KIF13B: variants seen among roughly 807,000 people sequenced by gnomAD.
KIF13B encodes the protein kinesin-like protein KIF13B.
Under a neutral mutation model 222.0 loss-of-function variants are expected in KIF13B, and 127 were observed. The ratio of observed to expected loss-of-function variants is 0.57; its 90% CI spans 0.50 to 0.66. The LOEUF (loss-of-function observed/expected upper bound fraction) is 0.66, where lower values mean the gene tolerates loss of function less well. Ranked by LOEUF, KIF13B falls within the 30% of genes least tolerant of loss-of-function variation. The probability of loss-of-function intolerance (pLI) is 0.00; values close to 1 mark genes in which losing one functional copy is unlikely to be tolerated. For synonymous variants in KIF13B, 976 were observed against 919.0 expected (o/e 1.06, Z -1.12); for missense variants, 2,173 against 2,379.0 (o/e 0.91, Z 1.80).
chr8:29,225,954 G>A (rs10101008), intron 2 of KIF13B, among the ~76,000 whole-genome samples: 1,852 of 152,304 alleles, frequency 0.012, 34 homozygotes, highest in African/African-American at 0.042. Flanking sequence ...GAGAGGGAAC[G>A]TTTAAGGTCA....
At chr8:29,165,135 A>C (rs1811938855) in intron 12 of KIF13B, among the ~76,000 whole-genome samples, 1 of 152,224 alleles carries the variant, frequency 6.6e-6, no homozygotes, top group Non-Finnish European at 1.5e-5. Context: ...TGTGTGAGCC[A>C]TCACACCCAG....
intron 35 of KIF13B, among the ~76,000 whole-genome samples, chr8:29,102,550 T>G (rs976177336): frequency 6.6e-6 from 1 of 152,194 alleles, no homozygotes; most frequent in Non-Finnish European, 1.5e-5. Context: ...AGGGCCTGAC[T>G]TGGTCCCCAG....
At chr8:29,095,043 G>A (rs1203285743) in intron 36 of KIF13B, among the ~76,000 whole-genome samples, 1 of 151,538 alleles carries the variant, frequency 6.6e-6, no homozygotes, top group Non-Finnish European at 1.5e-5. Context: ...TGAGTAATTA[G>A]ATTCTCAGAA....
rs1812525935 is a variant in KIF13B, at chr8:29,177,399, C to A, written c.833+67G>T. On this transcript the variant is annotated intron_variant, in intron 9 of 39. Transcript: ENST00000524189. ...TCAAATCACCTTAATATTTTAATAA[C>A]CACAGATGTTCCCCTATTGGCTATT... The A allele has an allele frequency of 5.5e-6, 6 of 1,086,226 alleles. No homozygotes were observed. In the South Asian group the frequency reaches 7.5e-5, roughly 14 times the overall value. 67.3% of individuals were successfully genotyped at this position (1,086,226 alleles called of 1,614,324 possible).
chr8:29,254,158 G>A (rs1005077108), intron 1 of KIF13B, among the ~76,000 whole-genome samples: 4 of 152,266 alleles, frequency 2.6e-5, no homozygotes, highest in Admixed American at 2.6e-4. Flanking sequence ...AATGAAGTTG[G>A]ATCCCTACCT....
At chr8:29,218,465 T>C (rs781000550) in intron 2 of KIF13B, among the ~76,000 whole-genome samples, 9 of 152,138 alleles carry the variant, frequency 5.9e-5, no homozygotes, top group Non-Finnish European at 1.3e-4. Context: ...AACCATGAGC[T>C]AAAAATTAAA....
intron 1 of KIF13B, 32 bp from the exon 2 acceptor site, chr8:29,245,471 T>G: frequency 1.4e-6 from 2 of 1,465,926 alleles, no homozygotes; most frequent in Non-Finnish European, 1.8e-6. Flanking sequence ...AAACAGTCAT[T>G]TTAAAAAGTA....
chr8:29,109,594 C>T, intron 33 of KIF13B, 83 bp from the exon 34 acceptor site: 3 of 1,064,548 alleles, frequency 2.8e-6, no homozygotes, highest in Non-Finnish European at 4.4e-6. Flanking sequence ...AGACTTGCAA[C>T]CCCCATCTAT....
Position 29,071,557 on chromosome 8 carries a change from G to A in KIF13B, c.5218+63C>T. 1.4e-6 allele frequency: 2 copies of A among 1,430,250 alleles called. No individual in the cohort carries two copies. The highest frequency in any genetic ancestry group is 1.9e-6 in the Non-Finnish European group (2 of 1,049,474). 88.6% of individuals were successfully genotyped at this position (1,430,250 alleles called of 1,614,324 possible). ...CCGGACCCTGTCCCCTCCCAGGCCG[G>A]CCACGTTCCTGCTTCCCCAGACCCC... is the stretch of plus-strand genomic sequence containing the variant. On this transcript the variant is annotated intron_variant, in intron 39 of 39. Transcript: ENST00000524189. This position sits in a 1 kb window ranked among gnomAD's most constrained non-coding sequence, Gnocchi z 4.9.
chr8:29,072,213 A>G lies in KIF13B; in HGVS notation c.4625T>C (p.Ile1542Thr), dbSNP rs766983278. The change falls in exon 39 of 40, where the codon ATA becomes ACA. Residue 1542 changes from isoleucine (I) to threonine (T), a missense_variant. Physicochemically the swap from Ile to Thr is moderately conservative, Grantham distance 89. Transcript: ENST00000524189. ...PAKVPSPPPVIAVTAVTPAPE... is the reference protein window; with the variant it reads ...PAKVPSPPPVTAVTAVTPAPE... Reference sequence around the variant, plus strand: ...AGCCGGGGTGACCGCTGTGACAGCTATGACAGGCGGTGGGGAAGGCACTTT... The same window carrying G: ...AGCCGGGGTGACCGCTGTGACAGCTGTGACAGGCGGTGGGGAAGGCACTTT... 6.8e-7 allele frequency: 1 copy of G among 1,467,996 alleles called. No homozygotes were observed. Among genetic ancestry groups the G allele is most frequent in the Non-Finnish European group, 9.0e-7 (1 of 1,113,334 alleles). 90.9% of individuals were successfully genotyped at this position (1,467,996 alleles called of 1,614,324 possible). A position where few individuals can be genotyped will look rare whatever the true frequency, so the allele number is the denominator to read the frequency against.
chr8:29,262,902 C>G (rs1319891410), intron 1 of KIF13B, 78 bp downstream of exon 1: 16 of 1,223,322 alleles, frequency 1.3e-5, no homozygotes, highest in Non-Finnish European at 1.6e-5. Context: ...CCGCCGGACC[C>G]CCCACGGCGG....
rs758970818 is a variant in KIF13B at position 29,070,499 on chromosome 8, G to A, written c.*5C>T. On this transcript the variant is annotated 3_prime_UTR_variant, in exon 40 of 40. Transcript: ENST00000524189. The surrounding 1 kb of genome is among the most constrained non-coding windows in gnomAD (Gnocchi z 4.1). ...CCCCAGAAAAGTTCGCCCTAAGGCA[G>A]CGGCTCAGCTGGCCCAGGATTTCCG... 6.2e-7 allele frequency: 1 copy of A among 1,609,858 alleles called. No individual in the cohort carries two copies. The highest frequency in any genetic ancestry group is 1.7e-5 in the Admixed American group (1 of 59,724).
intron 18 of KIF13B, among the ~76,000 whole-genome samples, chr8:29,144,381 C>A (rs892643452): frequency 1.3e-5 from 2 of 152,048 alleles, no homozygotes; most frequent in African/African-American, 2.4e-5. Context: ...CCTCAGCCCC[C>A]CAAGCAGCTG....
chr8:29,240,296 G>A (rs909669256), intron 2 of KIF13B, among the ~76,000 whole-genome samples: 3 of 149,748 alleles, frequency 2.0e-5, no homozygotes, highest in African/African-American at 7.4e-5. Flanking sequence ...AGCAGTCATT[G>A]TACGCTTCAT....
chr8:29,157,092 C>T (rs1811567662), intron 13 of KIF13B, among the ~76,000 whole-genome samples: 2 of 151,966 alleles, frequency 1.3e-5, no homozygotes. Context: ...CAGATTTTTC[C>T]TCCAAGGTCT....
chr8:29,165,609 A>G lies in KIF13B; in HGVS notation c.1269+53T>C, dbSNP rs1035602541. Reference sequence around the variant, plus strand: ...AGGAACCAGAAACACCATGTGTCCCATTGTGCAAACTGCCATGAGGTTTCA... The same window carrying G: ...AGGAACCAGAAACACCATGTGTCCCGTTGTGCAAACTGCCATGAGGTTTCA... On this transcript the variant is annotated intron_variant, in intron 12 of 39. Transcript: ENST00000524189. The G allele has an allele frequency of 6.2e-6, 7 of 1,128,702 alleles. No individual in the cohort carries two copies. In the East Asian group the frequency reaches 1.6e-4, roughly 26 times the overall value. 69.9% of individuals were successfully genotyped at this position (1,128,702 alleles called of 1,614,324 possible). A position where few individuals can be genotyped will look rare whatever the true frequency, so the allele number is the denominator to read the frequency against.
intron 28 of KIF13B, among the ~76,000 whole-genome samples, chr8:29,122,919 C>T (rs1809940969): frequency 6.6e-6 from 1 of 152,192 alleles, no homozygotes; most frequent in Non-Finnish European, 1.5e-5. Context: ...AAATGATATA[C>T]TTAAGGGCTT....
chr8:29,192,198 G>A (rs1586906157), intron 3 of KIF13B, among the ~76,000 whole-genome samples: 1 of 152,104 alleles, frequency 6.6e-6, no homozygotes, highest in African/African-American at 2.4e-5. Context: ...GCCAAAAACT[G>A]ACTGTAAGCT....
At chr8:29,182,589 A>C (rs998115675) in intron 6 of KIF13B, among the ~76,000 whole-genome samples, 2 of 149,418 alleles carry the variant, frequency 1.3e-5, no homozygotes, top group Non-Finnish European at 2.9e-5. Flanking sequence ...ATATTCATTA[A>C]GTTTTTTTTT....
Sources: allele counts gnomAD v4.1 joint callset (sites outside exome capture counted in the v4.1 genomes callset), GRCh38; gene constraint gnomAD v4.1.1; non-coding constraint Gnocchi (gnomAD v3.1); transcripts MANE v1.5; gene names NCBI Gene and HGNC (gene_info 2026-07-23, HGNC 2026-07-21).